The following CHN2 variants were observed in gnomAD, a reference collection of about 807,000 sequenced individuals.
CHN2 encodes beta-chimaerin.
A neutral mutation model predicts 56.3 loss-of-function variants in CHN2; 35 were observed. The observed-to-expected ratio is 0.62, with a 90% CI of 0.47 to 0.82. The LOEUF is 0.82. Among genes scored for constraint, CHN2 ranks in the 40% least tolerant of loss-of-function variants. The probability of loss-of-function intolerance (pLI) is 0.00; values close to 1 mark genes in which losing one functional copy is unlikely to be tolerated. For synonymous variants in CHN2, 210 were observed against 212.8 expected (o/e 0.99, Z 0.12); for missense variants, 491 against 580.5 (o/e 0.85, Z 1.58).
At chr7:29,507,889 C>T (rs1201487234) in intron 11 of CHN2, among the ~76,000 whole-genome samples, 1 of 151,996 alleles carries the variant, frequency 6.6e-6, no homozygotes, top group East Asian at 1.9e-4. Context: ...CAAAGCTGTC[C>T]TGGGCATGTG....
chr7:29,512,945 T>TTCACCC lies in CHN2; in HGVS notation c.*211_*212insCACCCT. 6 of 476,240 alleles carry TTCACCC rather than the reference T, an allele frequency of 1.3e-5. No homozygotes were observed. Among genetic ancestry groups the TTCACCC allele is most frequent in the South Asian group, 4.3e-5 (1 of 23,042 alleles). 29.5% of individuals were successfully genotyped at this position (476,240 alleles called of 1,614,324 possible). ...GTGAAGGTGAGGGAAGCCCCTCACC[T>TTCACCC]TGGGTCTTTTGCTGTGCCTCCTATG... is the stretch of plus-strand genomic sequence containing the variant. On this transcript the variant is annotated 3_prime_UTR_variant, in exon 13 of 13. Coordinates refer to ENST00000222792, the MANE Select transcript of CHN2 (RefSeq NM_004067.4).
At chr7:29,221,161 T>C (rs556104408) in intron 1 of CHN2, among the ~76,000 whole-genome samples, 4 of 152,158 alleles carry the variant, frequency 2.6e-5, no homozygotes, top group Non-Finnish European at 5.9e-5. Context: ...TCTCCGAGTT[T>C]GGGAACAAGA....
intron 1 of CHN2, among the ~76,000 whole-genome samples, chr7:29,206,985 C>A (rs1784565541): frequency 6.6e-6 from 1 of 152,116 alleles, no homozygotes; most frequent in Non-Finnish European, 1.5e-5. Flanking sequence ...GGTATGAGTT[C>A]TTTTTGTGGT....
intron 2 of CHN2, among the ~76,000 whole-genome samples, chr7:29,367,615 A>C (rs78525772): frequency 0.03 from 4,514 of 152,272 alleles, 237 homozygotes; most frequent in African/African-American, 0.1. Context: ...TTCATCTTTA[A>C]AATAGTCAAA....
intron 2 of CHN2, among the ~76,000 whole-genome samples, chr7:29,174,012 T>C (rs999509883): frequency 6.6e-6 from 1 of 151,890 alleles, no homozygotes; most frequent in Non-Finnish European, 1.5e-5. Flanking sequence ...TAATTTAGAA[T>C]AATTGAGAGG....
chr7:29,400,754 A>G lies in CHN2; in HGVS notation c.502A>G (p.Arg168Gly). ...YATLLREKVS[R>G]RLSRSKNEPR... ...CACCCTACTCAGAGAAAAAGTATCC[A>G]GAAGGCTGAGCAGGTCTAAAAATGA... The change falls in exon 6 of 13, where the codon AGA becomes GGA. Residue 168 changes from arginine to glycine, a missense_variant. Transcript: ENST00000222792. The G allele has an allele frequency of 6.2e-7, 1 of 1,614,200 alleles. No individual in the cohort carries two copies. The highest frequency in any genetic ancestry group is 8.5e-7 in the Non-Finnish European group (1 of 1,180,026).
At chr7:29,510,882 G>GAGATGGAGACGTCTGGA (rs1791251248) in intron 12 of CHN2, among the ~76,000 whole-genome samples, 1 of 152,176 alleles carries the variant, frequency 6.6e-6, no homozygotes, top group Non-Finnish European at 1.5e-5. Context: ...GTGGGAGACA[G>GAGATGGAGACGTCTGGA]AGATGGAGAC....
At chr7:29,504,128 A>T (rs539355455) in intron 9 of CHN2, among the ~76,000 whole-genome samples, 1 of 152,250 alleles carries the variant, frequency 6.6e-6, no homozygotes, top group Non-Finnish European at 1.5e-5. Flanking sequence ...ACAAGTAAAC[A>T]TGAAAGGCTG....
chr7:29,512,804 TTTC>T lies in CHN2; in HGVS notation c.*72_*74del, dbSNP rs878939036. 1.0e-4 allele frequency: 156 copies of T among 1,501,044 alleles called. 2 individuals carry two copies. The South Asian group carries it at 2.0e-3, about 19-fold the overall frequency. 93.0% of individuals were successfully genotyped at this position (1,501,044 alleles called of 1,614,324 possible). A position where few individuals can be genotyped will look rare whatever the true frequency, so the allele number is the denominator to read the frequency against. The stretch of plus-strand genomic sequence containing the variant: ...TGACACAGCTAAAGGAATAAAAACA[TTTC>T]TTACCACTTGATTTGTTTTCCAAGC... On this transcript the variant is annotated 3_prime_UTR_variant, in exon 13 of 13. Transcript: ENST00000222792.
intron 3 of CHN2, 63 bp from the exon 4 acceptor site, chr7:29,393,616 G>A (rs1801518404): frequency 2.7e-6 from 2 of 733,686 alleles, no homozygotes; most frequent in Non-Finnish European, 4.2e-6. Context: ...TATTTGAATA[G>A]CATTTTTATC....
intron 7 of CHN2, among the ~76,000 whole-genome samples, chr7:29,482,427 C>T (rs1289145175): frequency 1.3e-5 from 2 of 152,122 alleles, no homozygotes; most frequent in African/African-American, 2.4e-5. Flanking sequence ...ACTCCTCACC[C>T]GCAACTAACT....
chr7:29,398,278 T>G, intron 4 of CHN2, 95 bp from the exon 5 acceptor site: 1 of 921,952 alleles, frequency 1.1e-6, no homozygotes, highest in Non-Finnish European at 1.8e-6. Flanking sequence ...GGGCTGTCGA[T>G]TCTGGGTGCC....
chr7:29,219,842 G>C (rs1291910321), intron 1 of CHN2, among the ~76,000 whole-genome samples: 1 of 151,682 alleles, frequency 6.6e-6, no homozygotes, highest in Admixed American at 6.6e-5. Flanking sequence ...TTTAGGAGGC[G>C]AGGTGGGCGG....
chr7:29,190,036 C>T (rs1411422640), upstream of CHN2, among the ~76,000 whole-genome samples: 2 of 152,238 alleles, frequency 1.3e-5, no homozygotes, highest in Non-Finnish European at 2.9e-5. Context: ...GCTCATTAAC[C>T]CATCCTGGGC....
chr7:29,256,993 AT>A (rs1789131527), intron 1 of CHN2, among the ~76,000 whole-genome samples: 1 of 152,220 alleles, frequency 6.6e-6, no homozygotes, highest in African/African-American at 2.4e-5. Context: ...CTTTAAATAC[AT>A]CCCGAGTAAG....
chr7:29,158,303 C>A (rs987562475), intron 2 of CHN2, among the ~76,000 whole-genome samples: 1 of 152,168 alleles, frequency 6.6e-6, no homozygotes, highest in African/African-American at 2.4e-5. Context: ...ACCTCAGTTT[C>A]CACCATCCTA....
intron 6 of CHN2, among the ~76,000 whole-genome samples, chr7:29,404,166 G>A (rs1215280391): frequency 6.6e-6 from 1 of 152,020 alleles, no homozygotes; most frequent in Non-Finnish European, 1.5e-5. Context: ...CTTGGTTTTG[G>A]GCCATCCTGA....
intron 6 of CHN2, among the ~76,000 whole-genome samples, chr7:29,415,266 G>T (rs909874758): frequency 7.9e-5 from 12 of 152,124 alleles, no homozygotes; most frequent in Non-Finnish European, 1.8e-4. Flanking sequence ...GAGCGACAGG[G>T]GCCACCTGGC....
chr7:29,364,662 G>C (rs1284886175), intron 2 of CHN2, among the ~76,000 whole-genome samples: 1 of 152,214 alleles, frequency 6.6e-6, no homozygotes, highest in Non-Finnish European at 1.5e-5. Flanking sequence ...GGTAGCCAGA[G>C]GAATGTCTAC....
Sources: gnomAD v4.1 joint callset for allele counts (sites outside exome capture counted in the v4.1 genomes callset) on GRCh38, gnomAD v4.1.1 for gene constraint, MANE v1.5 for transcripts, NCBI Gene and HGNC (gene_info 2026-07-23, HGNC 2026-07-21) for gene names.